The following CDKL2 variants were observed in gnomAD, a reference collection of about 807,000 sequenced individuals.
CDKL2 encodes cyclin-dependent kinase-like 2.
A neutral mutation model predicts 63.9 loss-of-function variants in CDKL2; 64 were observed. That is an observed-to-expected ratio of 1.00 (90% CI 0.82 to 1.23). CDKL2 has a LOEUF of 1.23. Among genes scored for constraint, CDKL2 ranks in the 50% most tolerant of loss-of-function variants. The pLI, the probability that CDKL2 is intolerant of heterozygous loss-of-function variation, is 0.00. For missense variants in CDKL2, 656 were observed against 668.0 expected, an observed-to-expected ratio of 0.98 and a Z score of 0.20; for synonymous variants, 211 against 229.2, an observed-to-expected ratio of 0.92 and a Z score of 0.72.
rs566769467 is a variant in CDKL2 at position 75,576,641 on chromosome 4, T to G, written c.*2561A>C. ...GCCTAAAGCCTTAGGAGCAGTGCTC[T>G]GTTGCTTCTCTAATCCCCTGACCAT... On this transcript the variant is annotated 3_prime_UTR_variant, in exon 14 of 14. Coordinates refer to ENST00000307465, the MANE Select transcript of CDKL2 (RefSeq NM_001330724.2). Among the ~76,000 whole-genome samples, 10 of 152,238 alleles carry G rather than the reference T, an allele frequency of 6.6e-5. No homozygotes were observed. The highest frequency in any genetic ancestry group is 1.5e-4 in the Non-Finnish European group (10 of 68,026).
intron 12 of CDKL2, among the ~76,000 whole-genome samples, chr4:75,589,754 A>G (rs1043871993): frequency 3.9e-5 from 6 of 152,158 alleles, no homozygotes; most frequent in African/African-American, 1.4e-4. Flanking sequence ...CAAAAACTGC[A>G]AACAACTCAA....
At chr4:75,601,662 T>C (rs998223635) in intron 6 of CDKL2, among the ~76,000 whole-genome samples, 4 of 152,198 alleles carry the variant, frequency 2.6e-5, no homozygotes, top group African/African-American at 9.6e-5. Context: ...AAAAGTTTTA[T>C]ATGATTCCTT....
intron 7 of CDKL2, among the ~76,000 whole-genome samples, chr4:75,598,591 T>TAA (rs558158341): frequency 0.14 from 19,952 of 145,264 alleles, 1,779 homozygotes; most frequent in African/African-American, 0.26. Flanking sequence ...CTTTTTTTTT[T>TAA]TAAAAAAAAA....
chr4:75,607,144 A>T (rs1377036865), intron 4 of CDKL2, 39 bp downstream of exon 4: 1 of 1,498,716 alleles, frequency 6.7e-7, no homozygotes, highest in Non-Finnish European at 9.2e-7. Flanking sequence ...GCAAGAAGCA[A>T]GAGTAAAAAT....
chr4:75,578,742 A>T lies in CDKL2; in HGVS notation c.*460T>A, dbSNP rs62320975. 2.0e-5 allele frequency: 3 copies of T among 152,324 alleles called. No individual in the cohort carries two copies. The highest frequency in any genetic ancestry group is 4.4e-5 in the Non-Finnish European group (3 of 67,980). The allele number at this position is 152,324 out of a possible 1,614,324, so 9.4% of individuals were successfully genotyped here. On this transcript the variant is annotated 3_prime_UTR_variant, in exon 14 of 14. Transcript: ENST00000307465. Reference sequence around the variant, plus strand: ...TCCTAATTTTTATCACCTACCCCCAAGAAACCCACTCCTAAATAAATGTAC... The same window carrying T: ...TCCTAATTTTTATCACCTACCCCCATGAAACCCACTCCTAAATAAATGTAC...
At chr4:75,602,226 G>A (rs572226029) in intron 6 of CDKL2, among the ~76,000 whole-genome samples, 1 of 152,198 alleles carries the variant, frequency 6.6e-6, no homozygotes, top group African/African-American at 2.4e-5. Context: ...TGTTGCCCAG[G>A]CTGGAGTGCA....
At chr4:75,609,006 A>AG (rs1412515320) in intron 3 of CDKL2, among the ~76,000 whole-genome samples, 1 of 151,578 alleles carries the variant, frequency 6.6e-6, no homozygotes, top group Non-Finnish European at 1.5e-5. Context: ...GAAAAAAAAA[A>AG]AAAAAGAAAA....
intron 1 of CDKL2, among the ~76,000 whole-genome samples, chr4:75,626,666 CAA>C (rs1168960614): frequency 3.1e-4 from 12 of 39,158 alleles, no homozygotes; most frequent in African/African-American, 1.7e-4. Flanking sequence ...GACTCCATCT[CAA>C]AAAAAAAAAA....
In CDKL2 at chr4:75,592,602, G is replaced by A. The variant is rs1007780391; in HGVS notation, c.1417-333C>T. Among the ~76,000 whole-genome samples the A allele has an allele frequency of 3.3e-5, 5 of 152,148 alleles. No homozygotes were observed. The South Asian group carries it at 6.2e-4, about 19-fold the overall frequency. ...GCTGGTTCTTCAGGCCAGCAAGGTC[G>A]GGCCTTACACTTCCTAGGCTTTTCA... is the stretch of plus-strand genomic sequence containing the variant. On this transcript the variant is annotated intron_variant, in intron 10 of 13. Transcript: ENST00000307465.
intron 3 of CDKL2, among the ~76,000 whole-genome samples, chr4:75,613,972 A>T (rs1173428484): frequency 1.3e-5 from 2 of 152,090 alleles, no homozygotes; most frequent in African/African-American, 4.8e-5. Flanking sequence ...CAAGAGAATC[A>T]CTTGAACCTG....
At chr4:75,628,757 A>G (rs915025369) in intron 1 of CDKL2, among the ~76,000 whole-genome samples, 1 of 152,220 alleles carries the variant, frequency 6.6e-6, no homozygotes, top group Non-Finnish European at 1.5e-5. Flanking sequence ...AGACAAAACA[A>G]ATATTCTCTT....
chr4:75,591,525 G>A (rs937986435), intron 12 of CDKL2, among the ~76,000 whole-genome samples: 9 of 152,010 alleles, frequency 5.9e-5, no homozygotes, highest in Admixed American at 5.2e-4. Context: ...TAAGCTCAAG[G>A]GTTTGAAGCT....
At chr4:75,598,396 A>G (rs2148878533) in intron 7 of CDKL2, among the ~76,000 whole-genome samples, 184 bp from the exon 8 acceptor site, 1 of 136,482 alleles carries the variant, frequency 7.3e-6, no homozygotes, top group African/African-American at 2.7e-5. Flanking sequence ...GGGGATCCCT[A>G]AGAACATTCA....
intron 2 of CDKL2, among the ~76,000 whole-genome samples, chr4:75,616,403 C>A (rs1482075316): frequency 1.3e-5 from 2 of 151,962 alleles, no homozygotes; most frequent in East Asian, 1.9e-4. Context: ...TGGCTCACAC[C>A]TGTAATCCCA....
chr4:75,586,428 A>T (rs1018484046), intron 12 of CDKL2, among the ~76,000 whole-genome samples: 6 of 151,682 alleles, frequency 4.0e-5, no homozygotes, highest in Non-Finnish European at 7.4e-5. Context: ...GGGTTTCACC[A>T]TGTTAGCTAG....
At position 75,597,337 on chromosome 4, in the gene CDKL2, G is replaced by C. The variant is rs113892992; in HGVS notation, c.1021-101C>G. ...TGTCAACTAGAGCAGAATATCATAA[G>C]TATCACCTTTTTGAAACTGTTTTCT... On this transcript the variant is annotated intron_variant, in intron 8 of 13. Coordinates refer to ENST00000307465, the MANE Select transcript of CDKL2 (RefSeq NM_001330724.2). 8 of 719,320 alleles carry C rather than the reference G, an allele frequency of 1.1e-5. No homozygotes were observed. In the African/African-American group the frequency reaches 1.2e-4, roughly 11 times the overall value. 44.6% of individuals were successfully genotyped at this position (719,320 alleles called of 1,614,324 possible). A position where few individuals can be genotyped will look rare whatever the true frequency, so the allele number is the denominator to read the frequency against.
chr4:75,598,547 C>A (rs1474283658), intron 7 of CDKL2, among the ~76,000 whole-genome samples: 1 of 149,174 alleles, frequency 6.7e-6, no homozygotes, highest in Non-Finnish European at 1.5e-5. Flanking sequence ...TACTAGCAGT[C>A]ATTACTTTCT....
At chr4:75,629,165 A>G (rs1730565887) in intron 1 of CDKL2, among the ~76,000 whole-genome samples, 1 of 152,188 alleles carries the variant, frequency 6.6e-6, no homozygotes, top group Non-Finnish European at 1.5e-5. Flanking sequence ...ATTAAGCACT[A>G]GGCTTTAGGT....
chr4:75,592,398 G>A (rs1728757171), intron 10 of CDKL2, 129 bp from the exon 11 acceptor site: 3 of 655,986 alleles, frequency 4.6e-6, no homozygotes, highest in South Asian at 3.9e-5. Context: ...AAAATTTGAA[G>A]GACATTAATA....
Sources: gnomAD v4.1 joint callset for allele counts (sites outside exome capture counted in the v4.1 genomes callset) on GRCh38, gnomAD v4.1.1 for gene constraint, MANE v1.5 for transcripts, NCBI Gene and HGNC (gene_info 2026-07-23, HGNC 2026-07-21) for gene names.